Variants in FHIT observed in about 807,000 individuals in gnomAD.
The protein encoded by FHIT is bis(5'-adenosyl)-triphosphatase.
Under a neutral mutation model 17.9 loss-of-function variants are expected in FHIT, and 19 were observed. That is an observed-to-expected ratio of 1.06 (90% CI 0.74 to 1.56). The LOEUF is 1.56. FHIT is among the 40% of genes most tolerant of loss of function. The pLI, the probability that FHIT is intolerant of heterozygous loss-of-function variation, is 0.00. For missense variants in FHIT, 248 were observed against 189.2 expected (o/e 1.31, Z -1.82); for synonymous variants, 81 against 69.7 (o/e 1.16, Z -0.81).
Position 60,173,483 on chromosome 3 carries a change from G to A in FHIT, c.104-159331C>T, listed in dbSNP as rs368090691. ...ATACTGCTCTTAGGAGTTTATTTCA[G>A]AGAAAAAAAGTATGAACAGCCACCA... On this transcript the variant is annotated intron_variant, in intron 5 of 9. Transcript: ENST00000492590. 3.3e-5 allele frequency among the ~76,000 whole-genome samples: 5 copies of A among 151,976 alleles called. No individual in the cohort carries two copies. The South Asian group carries it at 1.0e-3, about 32-fold the overall frequency.
At chr3:60,151,799 T>G (rs77444364) in intron 5 of FHIT, among the ~76,000 whole-genome samples, 1 of 152,194 alleles carries the variant, frequency 6.6e-6, no homozygotes, top group African/African-American at 2.4e-5. Context: ...CAATCTCATA[T>G]CTTCAAAAAG....
At chr3:61,222,661 G>A (rs1316634865) in intron 1 of FHIT, among the ~76,000 whole-genome samples, 3 of 152,162 alleles carry the variant, frequency 2.0e-5, no homozygotes, top group Non-Finnish European at 4.4e-5. Context: ...GAAAGGAAGG[G>A]TTGATGACAA....
rs1345764875 is a variant in FHIT, at chr3:60,441,783, A to AT, written c.103+95076_103+95077insA. Among the ~76,000 whole-genome samples, 9 of 23,982 alleles carry AT rather than the reference A, an allele frequency of 3.8e-4. No homozygotes were observed. In the East Asian group the frequency reaches 0.015, roughly 41 times the overall value. The allele number at this position is 23,982 out of a possible 152,430, so 15.7% of individuals were successfully genotyped here. ...ATATATATATATTTATATGTATAAA[A>AT]ATATATATATATATATATATATATA... On this transcript the variant is annotated intron_variant, in intron 5 of 9. Coordinates refer to ENST00000492590, the MANE Select transcript of FHIT (RefSeq NM_002012.4).
intron 5 of FHIT, among the ~76,000 whole-genome samples, chr3:60,253,850 G>A (rs1343351609): frequency 6.6e-6 from 1 of 152,140 alleles, no homozygotes; most frequent in Non-Finnish European, 1.5e-5. Flanking sequence ...GGAAATTTCT[G>A]AATATTACCA....
chr3:60,400,689 T>C (rs752523613), intron 5 of FHIT, among the ~76,000 whole-genome samples: 52 of 152,178 alleles, frequency 3.4e-4, no homozygotes, highest in Admixed American at 5.9e-4. Context: ...GGGTAGACAG[T>C]TGGTCTCCCC....
intron 1 of FHIT, among the ~76,000 whole-genome samples, chr3:61,237,704 T>C (rs2040267059): frequency 6.6e-6 from 1 of 152,200 alleles, no homozygotes; most frequent in Non-Finnish European, 1.5e-5. Context: ...TAGAACATAA[T>C]TGAAATCAAT....
At chr3:60,111,817 G>C (rs1421559611) in intron 5 of FHIT, among the ~76,000 whole-genome samples, 1 of 152,164 alleles carries the variant, frequency 6.6e-6, no homozygotes, top group African/African-American at 2.4e-5. Flanking sequence ...TTAAGGTTTA[G>C]ACTTGCACAG....
intron 8 of FHIT, among the ~76,000 whole-genome samples, chr3:59,821,820 G>C (rs1027777994): frequency 1.3e-5 from 2 of 151,812 alleles, no homozygotes; most frequent in Non-Finnish European, 2.9e-5. Context: ...TATTTCCATA[G>C]GTTTTTGGGG....
chr3:61,101,249 G>A (rs918143306), intron 2 of FHIT, among the ~76,000 whole-genome samples: 1 of 152,156 alleles, frequency 6.6e-6, no homozygotes, highest in South Asian at 2.1e-4. Context: ...AAGGTGTAAG[G>A]AAGGGATCCA....
intron 5 of FHIT, among the ~76,000 whole-genome samples, chr3:60,266,372 C>G (rs1241060288): frequency 2.0e-5 from 3 of 151,982 alleles, no homozygotes; most frequent in Non-Finnish European, 4.4e-5. Context: ...AAAATGGAAT[C>G]ATAATGCCCA....
At chr3:60,287,413 C>T (rs905319696) in intron 5 of FHIT, among the ~76,000 whole-genome samples, 3 of 152,304 alleles carry the variant, frequency 2.0e-5, no homozygotes, top group Non-Finnish European at 2.9e-5. Context: ...AGGTGACCTG[C>T]TGGCCTCAGC....
At chr3:60,128,358 C>T (rs1383220342) in intron 5 of FHIT, among the ~76,000 whole-genome samples, 1 of 152,164 alleles carries the variant, frequency 6.6e-6, no homozygotes, top group Non-Finnish European at 1.5e-5. Context: ...TTTCACTTGG[C>T]TCTCATTCTT....
intron 5 of FHIT, among the ~76,000 whole-genome samples, chr3:60,026,020 G>T (rs187615354): frequency 1.4e-5 from 2 of 145,138 alleles, no homozygotes; most frequent in African/African-American, 5.7e-5. Flanking sequence ...GGCCTGTAAA[G>T]GGGGGGAAAG....
intron 5 of FHIT, among the ~76,000 whole-genome samples, chr3:60,190,478 G>T (rs1702351101): frequency 3.3e-5 from 5 of 152,130 alleles, no homozygotes; most frequent in African/African-American, 1.2e-4. Flanking sequence ...GCTGGGCACG[G>T]TGGCTCACAC....
chr3:59,812,169 C>T (rs1447579097), intron 8 of FHIT, among the ~76,000 whole-genome samples: 1 of 152,118 alleles, frequency 6.6e-6, no homozygotes, highest in Admixed American at 6.5e-5. Context: ...ATCAGCCATG[C>T]ACACGACAGT....
chr3:59,836,049 G>C (rs1177325625), intron 8 of FHIT, among the ~76,000 whole-genome samples: 1 of 152,054 alleles, frequency 6.6e-6, no homozygotes, highest in African/African-American at 2.4e-5. Flanking sequence ...CTTAAATCAA[G>C]AATATCCATG....
rs180684928 is a variant in FHIT, at chr3:61,161,981, A to G, written c.-164+38636T>C. Among the ~76,000 whole-genome samples, 14 of 152,308 alleles carry G rather than the reference A, an allele frequency of 9.2e-5. No individual in the cohort carries two copies. In the East Asian group the frequency reaches 2.7e-3, roughly 29 times the overall value. On this transcript the variant is annotated intron_variant, in intron 2 of 9. Coordinates refer to ENST00000492590, the MANE Select transcript of FHIT (RefSeq NM_002012.4). ...AACGGGATGATTTTTTGATTCTCTC[A>G]AATATTAGGTAAGTGTTTAACACAT...
intron 4 of FHIT, among the ~76,000 whole-genome samples, chr3:60,633,822 C>A (rs1553683048): frequency 6.6e-6 from 1 of 152,186 alleles, no homozygotes; most frequent in Non-Finnish European, 1.5e-5. Flanking sequence ...CGCGATTTAA[C>A]CACAAGCCAC....
intron 1 of FHIT, among the ~76,000 whole-genome samples, chr3:61,203,215 G>T (rs1280748897): frequency 1.4e-5 from 2 of 148,054 alleles, no homozygotes; most frequent in Non-Finnish European, 3.0e-5. Context: ...TGGGCGTGGT[G>T]GTGGGCACCT....
Sources: allele counts gnomAD v4.1 joint callset (sites outside exome capture counted in the v4.1 genomes callset), GRCh38; gene constraint gnomAD v4.1.1; transcripts MANE v1.5; gene names NCBI Gene and HGNC (gene_info 2026-07-23, HGNC 2026-07-21).